Variants in SMARCA4 observed in about 807,000 individuals in gnomAD.
The protein encoded by SMARCA4 is SWI/SNF related BAF chromatin remodeling complex subunit ATPase 4.
A neutral mutation model predicts 193.9 loss-of-function variants in SMARCA4; 31 were observed. The ratio of observed to expected loss-of-function variants is 0.16; its 90% CI spans 0.12 to 0.22. SMARCA4 has a LOEUF of 0.22. SMARCA4 is among the 10% of genes least tolerant of loss of function. SMARCA4 has a pLI of 1.00. For missense variants in SMARCA4, 1,148 were observed against 2,296.0 expected (o/e 0.50, Z 10.22); for synonymous variants, 942 against 933.1 (o/e 1.01, Z -0.17).
intron 11 of SMARCA4, among the ~76,000 whole-genome samples, chr19:11,002,696 A>G (rs2042926736): frequency 6.7e-6 from 1 of 149,628 alleles, no homozygotes; most frequent in African/African-American, 2.5e-5. Context: ...TGGGAGACTG[A>G]GGCAGAGAAT....
At chr19:11,025,777 C>A (rs180943534) in intron 22 of SMARCA4, among the ~76,000 whole-genome samples, 3 of 152,272 alleles carry the variant, frequency 2.0e-5, no homozygotes, top group African/African-American at 7.2e-5. Context: ...GGGGATGTGT[C>A]CCCCCACAGT....
chr19:11,061,204 A>AAAAAAAATATATATAT (rs1555797070), intron 34 of SMARCA4, among the ~76,000 whole-genome samples: 2 of 45,216 alleles, frequency 4.4e-5, no homozygotes, highest in African/African-American at 2.3e-4. Flanking sequence ...AAAAAAAAAA[A>AAAAAAAATATATATAT]ATATATATAT....
Position 10,984,411 on chromosome 19 carries a change from T to G in SMARCA4, c.222+38T>G, listed in dbSNP as rs1287999711. On this transcript the variant is annotated intron_variant, in intron 2 of 34. Transcript: ENST00000344626. The surrounding 1 kb of genome is among the most constrained non-coding windows in gnomAD (Gnocchi z 4.3). ...GTGCCCGCCTCGCACCTGCGGCCTC[T>G]GCCCACTAGGGCTGCAGGCAGCCTC... The G allele has an allele frequency of 6.4e-7, 1 of 1,553,244 alleles. No homozygotes were observed.
intron 1 of SMARCA4, among the ~76,000 whole-genome samples, chr19:10,982,258 G>A (rs928700485): frequency 6.6e-6 from 1 of 151,988 alleles, no homozygotes; most frequent in African/African-American, 2.4e-5. Context: ...TTGGGATCAC[G>A]AGGTCAGGAG....
chr19:11,036,815 G>A (rs1337861373), intron 29 of SMARCA4, among the ~76,000 whole-genome samples: 2 of 152,072 alleles, frequency 1.3e-5, no homozygotes, highest in African/African-American at 4.8e-5. Context: ...ATTCTCCCCA[G>A]CCCCAGGCAA....
chr19:10,978,863 C>T (rs971989112), intron 1 of SMARCA4, among the ~76,000 whole-genome samples: 4 of 151,928 alleles, frequency 2.6e-5, no homozygotes, highest in South Asian at 2.1e-4. Flanking sequence ...GCACGATAAT[C>T]GCTTGAACCT....
At chr19:10,990,530 A>C (rs180937530) in intron 7 of SMARCA4, among the ~76,000 whole-genome samples, 145 of 151,984 alleles carry the variant, frequency 9.5e-4, no homozygotes, top group Non-Finnish European at 1.4e-3. Flanking sequence ...CTCCTGCCTC[A>C]GCCTCCCAAA....
In SMARCA4 at chr19:11,027,943, G is replaced by A. The variant is rs2146546450; in HGVS notation, c.3375G>A (p.Arg1125=). 1.9e-6 allele frequency: 3 copies of A among 1,614,142 alleles called. No individual in the cohort carries two copies. The highest frequency in any genetic ancestry group is 2.5e-6 in the Non-Finnish European group (3 of 1,180,002). The change falls in exon 24 of 35, where the codon AGG becomes AGA. Residue 1125 remains arginine (R), a synonymous_variant. Transcript: ENST00000344626. ...YFAYRGFKYL[R]LDGTTKAEDR... is the part of the protein sequence containing the mutation. Reference sequence around the variant, plus strand: ...CGTATCGCGGCTTTAAATACCTCAGGCTTGATGGTGAGTATGAGCCAGTGA... The same window carrying A: ...CGTATCGCGGCTTTAAATACCTCAGACTTGATGGTGAGTATGAGCCAGTGA...
At chr19:11,005,991 A>AGAG (rs1379107450) in intron 13 of SMARCA4, among the ~76,000 whole-genome samples, 1 of 152,192 alleles carries the variant, frequency 6.6e-6, no homozygotes, top group African/African-American at 2.4e-5. Context: ...TGTCTGTACC[A>AGAG]GCTCTGATTT....
At chr19:11,055,524 T>C (rs951433172) in intron 30 of SMARCA4, among the ~76,000 whole-genome samples, 2 of 151,812 alleles carry the variant, frequency 1.3e-5, no homozygotes, top group African/African-American at 4.8e-5. Flanking sequence ...TAGCTGTTTC[T>C]CATTAGCCTG....
At chr19:11,038,312 T>C (rs1312845877) in intron 29 of SMARCA4, among the ~76,000 whole-genome samples, 1 of 152,174 alleles carries the variant, frequency 6.6e-6, no homozygotes, top group Non-Finnish European at 1.5e-5. Flanking sequence ...TTAAGAACAA[T>C]TTTTAAAACT....
At chr19:11,047,853 T>C (rs1422848750) in intron 30 of SMARCA4, 1 of 152,186 alleles carries the variant, frequency 6.6e-6, no homozygotes, top group Non-Finnish European at 1.5e-5. Flanking sequence ...AGACCCCACG[T>C]AAACAAAGAC....
At chr19:11,016,393 G>T (rs73013169) in intron 16 of SMARCA4, among the ~76,000 whole-genome samples, 36,408 of 152,008 alleles carry the variant, frequency 0.24, 5,028 homozygotes, top group South Asian at 0.37. Context: ...AGCAGCAAAC[G>T]TCAGATAAGT....
At chr19:10,968,240 G>T (rs1019785645) in intron 1 of SMARCA4, among the ~76,000 whole-genome samples, 1 of 152,106 alleles carries the variant, frequency 6.6e-6, no homozygotes, top group African/African-American at 2.4e-5. Context: ...CGCCTGCCTT[G>T]GCCTTCCAAA....
intron 34 of SMARCA4, among the ~76,000 whole-genome samples, chr19:11,061,201 A>AT (rs1568568601): frequency 3.3e-3 from 228 of 69,746 alleles, no homozygotes; most frequent in Non-Finnish European, 4.7e-3. Context: ...AAAAAAAAAA[A>AT]AAAATATATA....
In SMARCA4 at chr19:11,030,429, C is replaced by T. The variant is rs1442223239; in HGVS notation, c.3383-301C>T. ...TGGTGGTGGCTGTGCTGACGCTGGA[C>T]GCTGTGGCCTAGCTGTGGGCTGGGT... On this transcript the variant is annotated intron_variant, in intron 24 of 34. Coordinates refer to ENST00000344626, the MANE Select transcript of SMARCA4 (RefSeq NM_003072.5). This position sits in a 1 kb window ranked among gnomAD's most constrained non-coding sequence, Gnocchi z 5.5. Among the ~76,000 whole-genome samples, 4 of 152,224 alleles carry T rather than the reference C, an allele frequency of 2.6e-5. No homozygotes were observed. Among genetic ancestry groups the T allele is most frequent in the Non-Finnish European group, 5.9e-5 (4 of 68,054 alleles).
intron 11 of SMARCA4, among the ~76,000 whole-genome samples, chr19:11,000,307 TG>T (rs1692014664): frequency 1.4e-5 from 2 of 147,462 alleles, no homozygotes; most frequent in Admixed American, 1.4e-4. Flanking sequence ...GTTGCTAAGG[TG>T]GGTGGATCGC....
chr19:11,059,577 T>A (rs1222722651), intron 32 of SMARCA4, among the ~76,000 whole-genome samples, 176 bp from the exon 33 acceptor site: 4 of 152,154 alleles, frequency 2.6e-5, no homozygotes, highest in African/African-American at 9.7e-5. Context: ...GGAGGAAGAT[T>A]ATGGAGAGGG....
chr19:10,962,566 CAG>C (rs1167552372), intron 1 of SMARCA4, among the ~76,000 whole-genome samples: 3 of 152,042 alleles, frequency 2.0e-5, no homozygotes, highest in African/African-American at 4.8e-5. Flanking sequence ...GTTTTTGAGG[CAG>C]AGTCTTGCCT....
Sources: allele counts gnomAD v4.1 joint callset (sites outside exome capture counted in the v4.1 genomes callset), GRCh38; gene constraint gnomAD v4.1.1; non-coding constraint Gnocchi (gnomAD v3.1); transcripts MANE v1.5; gene names NCBI Gene and HGNC (gene_info 2026-07-23, HGNC 2026-07-21).